Variants in OLFM3 observed in about 807,000 individuals in gnomAD.
OLFM3 encodes the protein olfactomedin 3.
A neutral mutation model predicts 48.6 loss-of-function variants in OLFM3; 20 were observed. That is an observed-to-expected ratio of 0.41 (90% CI 0.29 to 0.60). The LOEUF (loss-of-function observed/expected upper bound fraction) is 0.60. Ranked by LOEUF, OLFM3 falls within the 20% of genes least tolerant of loss-of-function variation. The pLI, the probability that OLFM3 is intolerant of heterozygous loss-of-function variation, is 0.28. For missense variants in OLFM3, 437 were observed against 544.3 expected (o/e 0.80, Z 1.96); for synonymous variants, 222 against 198.1 (o/e 1.12, Z -1.01).
At chr1:101,895,607 T>C (rs1037735998) in intron 1 of OLFM3, among the ~76,000 whole-genome samples, 1 of 152,170 alleles carries the variant, frequency 6.6e-6, no homozygotes, top group African/African-American at 2.4e-5. Flanking sequence ...TTTTTGGACC[T>C]TTGATCCATG....
chr1:101,963,639 A>G (rs1380541111), intron 1 of OLFM3, among the ~76,000 whole-genome samples: 1 of 152,134 alleles, frequency 6.6e-6, no homozygotes, highest in Non-Finnish European at 1.5e-5. Flanking sequence ...TGAGAGATCC[A>G]AGAGATGCAA....
chr1:101,985,330 T>C (rs1661206289), intron 1 of OLFM3, among the ~76,000 whole-genome samples: 1 of 152,226 alleles, frequency 6.6e-6, no homozygotes, highest in Admixed American at 6.5e-5. Flanking sequence ...GTTTTGCGAA[T>C]TAGAAAGCAG....
chr1:101,917,195 A>G (rs1392692049), intron 1 of OLFM3, among the ~76,000 whole-genome samples: 1 of 152,180 alleles, frequency 6.6e-6, no homozygotes, highest in African/African-American at 2.4e-5. Context: ...AGTGATTATT[A>G]ATACTGTTCC....
At chr1:101,935,069 C>T (rs1659567509) in intron 1 of OLFM3, among the ~76,000 whole-genome samples, 2 of 151,672 alleles carry the variant, frequency 1.3e-5, no homozygotes, top group South Asian at 4.2e-4. Context: ...ACTAGAGAAA[C>T]AAGAGCAAAC....
At chr1:101,815,466 A>G (rs1305158740) in intron 4 of OLFM3, among the ~76,000 whole-genome samples, 2 of 151,902 alleles carry the variant, frequency 1.3e-5, no homozygotes, top group Non-Finnish European at 2.9e-5. Context: ...AAAAAAAAAA[A>G]AAAGGTTATC....
chr1:101,937,863 C>A (rs1659670777), intron 1 of OLFM3, among the ~76,000 whole-genome samples: 1 of 152,168 alleles, frequency 6.6e-6, no homozygotes, highest in Admixed American at 6.5e-5. Context: ...TTATTCTAAT[C>A]ACTTATTCAT....
chr1:101,828,597 T>A (rs746044180), intron 3 of OLFM3, among the ~76,000 whole-genome samples: 1 of 152,172 alleles, frequency 6.6e-6, no homozygotes, highest in Non-Finnish European at 1.5e-5. Flanking sequence ...CAATTTTGTA[T>A]CCTTTTTGTT....
At chr1:101,935,290 C>A (rs1234637252) in intron 1 of OLFM3, among the ~76,000 whole-genome samples, 1 of 148,668 alleles carries the variant, frequency 6.7e-6, no homozygotes, top group African/African-American at 2.5e-5. Flanking sequence ...ACAAAGGGAA[C>A]ATTACTACTG....
chr1:101,942,660 G>T (rs927467355), intron 1 of OLFM3, among the ~76,000 whole-genome samples: 1 of 151,996 alleles, frequency 6.6e-6, no homozygotes, highest in African/African-American at 2.4e-5. Context: ...TGTCCTAATT[G>T]GTAGCCATGA....
intron 1 of OLFM3, among the ~76,000 whole-genome samples, chr1:101,965,353 G>A (rs977107376): frequency 6.6e-6 from 1 of 152,086 alleles, no homozygotes; most frequent in Non-Finnish European, 1.5e-5. Flanking sequence ...TCGAAGGAAG[G>A]AAAAAAATGT....
chr1:101,919,009 G>A (rs1369477510), intron 1 of OLFM3, among the ~76,000 whole-genome samples: 1 of 152,042 alleles, frequency 6.6e-6, no homozygotes, highest in Admixed American at 6.6e-5. Context: ...AAGTCTTAGT[G>A]AATAAATTTA....
Position 101,929,088 on chromosome 1 carries a change from T to C in OLFM3, c.69+67660A>G, listed in dbSNP as rs541821080. ...TGCACTCAAACTGTCACATGCTTTC[T>C]AGCTATGATAAATGGGACTGAACTC... is the stretch of plus-strand genomic sequence containing the variant. On this transcript the variant is annotated intron_variant, in intron 1 of 5. Coordinates refer to ENST00000370103, the MANE Select transcript of OLFM3 (RefSeq NM_058170.4). Among the ~76,000 whole-genome samples, 4 of 152,268 alleles carry C rather than the reference T, an allele frequency of 2.6e-5. No individual in the cohort carries two copies. The East Asian group carries it at 7.7e-4, about 29-fold the overall frequency.
At chr1:101,885,286 G>C (rs2100996712) in intron 1 of OLFM3, among the ~76,000 whole-genome samples, 1 of 152,070 alleles carries the variant, frequency 6.6e-6, no homozygotes, top group East Asian at 1.9e-4. Flanking sequence ...TATGGAGATG[G>C]GAGCTTCCAA....
intron 1 of OLFM3, among the ~76,000 whole-genome samples, chr1:101,939,007 G>T (rs1338122738): frequency 6.6e-6 from 1 of 151,928 alleles, no homozygotes; most frequent in Non-Finnish European, 1.5e-5. Flanking sequence ...CTTAATTTCA[G>T]TATCTTTTAT....
intron 1 of OLFM3, among the ~76,000 whole-genome samples, chr1:101,946,241 TAATG>T (rs1341072740): frequency 2.6e-5 from 4 of 152,196 alleles, no homozygotes; most frequent in African/African-American, 9.7e-5. Context: ...AAATGATAAA[TAATG>T]AATTAATTTT....
intron 1 of OLFM3, among the ~76,000 whole-genome samples, chr1:101,927,617 A>G (rs911463088): frequency 4.6e-5 from 7 of 151,922 alleles, no homozygotes; most frequent in Admixed American, 6.6e-5. Context: ...TTAATGAAAT[A>G]TATTAACTAC....
intron 1 of OLFM3, among the ~76,000 whole-genome samples, chr1:101,865,325 G>A (rs982127189): frequency 3.9e-5 from 6 of 152,026 alleles, no homozygotes; most frequent in Non-Finnish European, 8.8e-5. Context: ...TTGATCCTGC[G>A]GGCTTACTTT....
At chr1:101,843,711 G>A (rs951857600) in intron 1 of OLFM3, among the ~76,000 whole-genome samples, 5 of 152,132 alleles carry the variant, frequency 3.3e-5, no homozygotes, top group Middle Eastern at 3.4e-3. Context: ...TGTTTCAGAG[G>A]CACCTGCCAT....
At chr1:101,942,181 G>A (rs895954027) in intron 1 of OLFM3, among the ~76,000 whole-genome samples, 21 of 152,040 alleles carry the variant, frequency 1.4e-4, no homozygotes, top group Non-Finnish European at 2.5e-4. Context: ...GTAAACCCTC[G>A]CCCCAGAATA....
Sources: allele counts gnomAD v4.1 joint callset (sites outside exome capture counted in the v4.1 genomes callset), GRCh38; gene constraint gnomAD v4.1.1; transcripts MANE v1.5; gene names NCBI Gene and HGNC (gene_info 2026-07-23, HGNC 2026-07-21).